The following GALNTL6 variants were observed in gnomAD, a reference collection of about 807,000 sequenced individuals.
GALNTL6 encodes the protein polypeptide N-acetylgalactosaminyltransferase like 6.
In GALNTL6, 46 loss-of-function variants were observed where a neutral mutation model predicts 73.7. The ratio of observed to expected loss-of-function variants is 0.62; its 90% CI spans 0.49 to 0.80. The LOEUF is 0.80. Among genes scored for constraint, GALNTL6 ranks in the 30% least tolerant of loss-of-function variants. GALNTL6 has a pLI of 0.00. For synonymous variants in GALNTL6, 259 were observed against 263.7 expected (o/e 0.98, Z 0.17); for missense variants, 604 against 755.0 (o/e 0.80, Z 2.34).
intron 7 of GALNTL6, among the ~76,000 whole-genome samples, chr4:172,833,840 CA>C (rs1377642890): frequency 2.6e-5 from 4 of 152,164 alleles, no homozygotes; most frequent in African/African-American, 9.7e-5. Context: ...TCAACTTCCC[CA>C]ACCCCTCATT....
intron 5 of GALNTL6, among the ~76,000 whole-genome samples, chr4:172,447,496 T>G (rs1368362224): frequency 6.6e-6 from 1 of 152,202 alleles, no homozygotes; most frequent in Non-Finnish European, 1.5e-5. Flanking sequence ...AAGAGCAGTA[T>G]GTATAGAAGC....
chr4:172,705,930 A>G (rs1734324661), intron 5 of GALNTL6, among the ~76,000 whole-genome samples: 1 of 151,976 alleles, frequency 6.6e-6, no homozygotes, highest in Non-Finnish European at 1.5e-5. Flanking sequence ...GAGTTTGGTT[A>G]TTATATGCCT....
intron 8 of GALNTL6, among the ~76,000 whole-genome samples, chr4:172,905,703 C>A (rs1177777093): frequency 1.3e-5 from 2 of 150,166 alleles, no homozygotes; most frequent in African/African-American, 4.9e-5. Flanking sequence ...GGTACATAAG[C>A]CACCAAAAAT....
chr4:172,236,838 A>T (rs1305983850), intron 3 of GALNTL6, among the ~76,000 whole-genome samples: 1 of 152,092 alleles, frequency 6.6e-6, no homozygotes, highest in Non-Finnish European at 1.5e-5. Flanking sequence ...ATAGTATTCA[A>T]TAGGTATTTT....
At chr4:172,400,871 T>C (rs1318612313) in intron 5 of GALNTL6, among the ~76,000 whole-genome samples, 1 of 152,278 alleles carries the variant, frequency 6.6e-6, no homozygotes, top group South Asian at 2.1e-4. Flanking sequence ...TCGACATCCT[T>C]GACTGTATGT....
chr4:172,582,119 A>C (rs1481750487), intron 5 of GALNTL6, among the ~76,000 whole-genome samples: 1 of 152,174 alleles, frequency 6.6e-6, no homozygotes, highest in Non-Finnish European at 1.5e-5. Context: ...CCAGAAGTGC[A>C]CAAAAAGGCC....
intron 6 of GALNTL6, among the ~76,000 whole-genome samples, chr4:172,810,648 T>C (rs1189719874): frequency 6.6e-6 from 1 of 152,004 alleles, no homozygotes; most frequent in Non-Finnish European, 1.5e-5. Context: ...AAACAGGAAA[T>C]AACCAGCACC....
intron 2 of GALNTL6, among the ~76,000 whole-genome samples, chr4:172,171,454 C>T (rs1043682909): frequency 1.3e-5 from 2 of 152,052 alleles, no homozygotes; most frequent in Non-Finnish European, 2.9e-5. Flanking sequence ...TTCAGTTCCT[C>T]TTAATGACTT....
At chr4:172,524,583 G>A (rs956681060) in intron 5 of GALNTL6, among the ~76,000 whole-genome samples, 6 of 152,126 alleles carry the variant, frequency 3.9e-5, no homozygotes, top group African/African-American at 7.2e-5. Context: ...GTTCGTGAAC[G>A]TTATAACTAG....
chr4:172,480,905 T>C (rs920567819), intron 5 of GALNTL6, among the ~76,000 whole-genome samples: 2 of 152,138 alleles, frequency 1.3e-5, no homozygotes, highest in Admixed American at 6.5e-5. Flanking sequence ...TGAAAAAGGA[T>C]CAAAGCACAC....
rs566000169 is a variant in GALNTL6, at chr4:172,119,658, A to G, written c.139-109998A>G. 2.0e-4 allele frequency among the ~76,000 whole-genome samples: 31 copies of G among 151,860 alleles called. 1 individual carries two copies. In the South Asian group the frequency reaches 6.4e-3, roughly 31 times the overall value. ...ATGTTTTAAGTTTTGCAGACCATAAAGTCTCTTGATTCAACTCAGTCATTG... is the reference window on the plus strand; with the variant it reads ...ATGTTTTAAGTTTTGCAGACCATAAGGTCTCTTGATTCAACTCAGTCATTG... On this transcript the variant is annotated intron_variant, in intron 2 of 12. Coordinates refer to ENST00000506823, the MANE Select transcript of GALNTL6 (RefSeq NM_001034845.3).
chr4:172,753,515 T>C (rs1737555421), intron 5 of GALNTL6, among the ~76,000 whole-genome samples: 1 of 152,338 alleles, frequency 6.6e-6, no homozygotes, highest in Non-Finnish European at 1.5e-5. Flanking sequence ...GAAAAAGTCT[T>C]AGGCTTCTTA....
intron 7 of GALNTL6, among the ~76,000 whole-genome samples, chr4:172,821,240 C>G (rs970315920): frequency 3.3e-5 from 5 of 152,110 alleles, no homozygotes; most frequent in African/African-American, 1.2e-4. Context: ...AAGGGACTAT[C>G]GTGATGAATA....
chr4:172,804,544 C>A (rs1041358492), intron 5 of GALNTL6, among the ~76,000 whole-genome samples: 1 of 152,154 alleles, frequency 6.6e-6, no homozygotes, highest in African/African-American at 2.4e-5. Flanking sequence ...AAGAACTAAG[C>A]AACTAGTGGC....
intron 2 of GALNTL6, among the ~76,000 whole-genome samples, chr4:171,984,759 G>A (rs1740015735): frequency 6.6e-6 from 1 of 152,054 alleles, no homozygotes; most frequent in South Asian, 2.1e-4. Context: ...GATTAATGGG[G>A]GTATTTGAGT....
chr4:172,299,346 G>T (rs1739816800), intron 3 of GALNTL6, among the ~76,000 whole-genome samples: 1 of 152,136 alleles, frequency 6.6e-6, no homozygotes, highest in Non-Finnish European at 1.5e-5. Context: ...TTTTTGAAGG[G>T]TTTTTTGTGT....
intron 5 of GALNTL6, among the ~76,000 whole-genome samples, chr4:172,436,337 AT>A (rs935835653): frequency 2.0e-5 from 3 of 152,116 alleles, no homozygotes; most frequent in South Asian, 2.1e-4. Context: ...GATAAAAGAG[AT>A]TTTTAAAACC....
At chr4:172,182,436 T>C (rs1354906680) in intron 2 of GALNTL6, among the ~76,000 whole-genome samples, 3 of 151,688 alleles carry the variant, frequency 2.0e-5, no homozygotes, top group Non-Finnish European at 4.4e-5. Context: ...TGTAATTTGG[T>C]ACATTTCAGA....
At chr4:172,651,803 T>C (rs1740487653) in intron 5 of GALNTL6, among the ~76,000 whole-genome samples, 1 of 152,218 alleles carries the variant, frequency 6.6e-6, no homozygotes, top group Non-Finnish European at 1.5e-5. Flanking sequence ...TAAATTTGCA[T>C]GTCTCAATCT....
Sources: allele counts gnomAD v4.1 joint callset (sites outside exome capture counted in the v4.1 genomes callset), GRCh38; gene constraint gnomAD v4.1.1; transcripts MANE v1.5; gene names NCBI Gene and HGNC (gene_info 2026-07-23, HGNC 2026-07-21).